Variants in OVGP1 observed in about 807,000 individuals in gnomAD.
OVGP1 encodes oviductal glycoprotein 1.
A neutral mutation model predicts 48.2 loss-of-function variants in OVGP1; 26 were observed. The ratio of observed to expected loss-of-function variants is 0.54; its 90% CI spans 0.40 to 0.75. The LOEUF is 0.75. OVGP1 is among the 30% of genes least tolerant of loss of function. The probability of loss-of-function intolerance (pLI) is 0.00; values close to 1 mark genes in which losing one functional copy is unlikely to be tolerated. For missense variants in OVGP1, 791 were observed against 820.6 expected (o/e 0.96, Z 0.44); for synonymous variants, 294 against 305.7 (o/e 0.96, Z 0.40).
intron 3 of OVGP1, 109 bp from the exon 4 acceptor site, chr1:111,425,548 T>G: frequency 6.4e-7 from 1 of 1,555,084 alleles, no homozygotes; most frequent in Non-Finnish European, 8.7e-7. Context: ...ACAGGAGAGA[T>G]GGGAGGTAAG....
In OVGP1 at chr1:111,421,602, C is replaced by T; in HGVS notation, c.680G>A (p.Ser227Asn). 6.2e-7 allele frequency: 1 copy of T among 1,613,088 alleles called. No individual in the cohort carries two copies. Among genetic ancestry groups the T allele is most frequent in the Non-Finnish European group, 8.5e-7 (1 of 1,179,078 alleles). ...GSWERFTGHN[S>N]PLFSLPEDPK... ...GTCTTCAGGCAGAGAGAAGAGGGGG[C>T]TATTATGTCCTGTGAACCTTTCCCA... is the stretch of plus-strand genomic sequence containing the variant. The change falls in exon 7 of 11, where the codon AGC (serine) becomes AAC (asparagine). Residue 227 changes from serine to asparagine, a missense_variant. By Grantham distance (46) the Ser-to-Asn change is conservative. Coordinates refer to ENST00000369732, the MANE Select transcript of OVGP1 (RefSeq NM_002557.4).
intron 10 of OVGP1, 83 bp downstream of exon 10, chr1:111,416,240 G>T: frequency 7.4e-7 from 1 of 1,360,184 alleles, no homozygotes; most frequent in South Asian, 2.0e-5. Context: ...GCCTCACCAA[G>T]GCATTTAGAT....
In OVGP1 at chr1:111,419,559, A is replaced by G. The variant is rs2101724623; in HGVS notation, c.1020+51T>C. The G allele has an allele frequency of 3.7e-6, 4 of 1,080,658 alleles. No individual in the cohort carries two copies. The Middle Eastern group carries it at 6.0e-4, about 163-fold the overall frequency. 66.9% of individuals were successfully genotyped at this position (1,080,658 alleles called of 1,614,324 possible). A position where few individuals can be genotyped will look rare whatever the true frequency, so the allele number is the denominator to read the frequency against. ...TGCATTGTACAAATAAGGACCCCAT[A>G]GAAACCGGTAGGAAACCATGTGCTG... On this transcript the variant is annotated intron_variant, in intron 9 of 10. Coordinates refer to ENST00000369732, the MANE Select transcript of OVGP1 (RefSeq NM_002557.4).
chr1:111,418,956 C>T (rs1026277042), intron 9 of OVGP1, among the ~76,000 whole-genome samples: 2 of 152,130 alleles, frequency 1.3e-5, no homozygotes, highest in Non-Finnish European at 2.9e-5. Flanking sequence ...TCATAAAATA[C>T]CACTTACATG....
Position 111,416,306 on chromosome 1 carries a change from A to C in OVGP1, c.1156+17T>G, listed in dbSNP as rs759414537. 2 of 1,551,556 alleles carry C rather than the reference A, an allele frequency of 1.3e-6. No homozygotes were observed. Among genetic ancestry groups the C allele is most frequent in the Non-Finnish European group, 1.8e-6 (2 of 1,140,980 alleles). On this transcript the variant is annotated intron_variant, in intron 10 of 10. Transcript: ENST00000369732. ...TATGCAACTTCCAACCCCAGCTTCTAGGTCACAGCTACTTACCAGCCCGCA... is the reference window on the plus strand; with the variant it reads ...TATGCAACTTCCAACCCCAGCTTCTCGGTCACAGCTACTTACCAGCCCGCA...
intron 4 of OVGP1, among the ~76,000 whole-genome samples, chr1:111,424,421 A>G (rs1413727454): frequency 6.6e-6 from 1 of 152,078 alleles, no homozygotes; most frequent in Non-Finnish European, 1.5e-5. Flanking sequence ...AATTAACCAG[A>G]CTCATAAATA....
intron 1 of OVGP1, 109 bp from the exon 2 acceptor site, chr1:111,427,200 T>G: frequency 6.4e-7 from 1 of 1,568,774 alleles, no homozygotes; most frequent in Non-Finnish European, 8.6e-7. Flanking sequence ...CACCACCTTA[T>G]GCAGATGCAG....
intron 4 of OVGP1, among the ~76,000 whole-genome samples, chr1:111,424,586 T>A (rs942435698): frequency 3.3e-5 from 5 of 152,208 alleles, no homozygotes; most frequent in Admixed American, 2.6e-4. Flanking sequence ...CTGCAAGTGT[T>A]CACGGGATAA....
chr1:111,425,048 A>C (rs548114541), intron 4 of OVGP1, among the ~76,000 whole-genome samples: 3 of 152,288 alleles, frequency 2.0e-5, no homozygotes, highest in African/African-American at 7.2e-5. Context: ...GAGGTTTGGG[A>C]GTTATTCTCA....
At chr1:111,421,008 C>T (rs890383020) in intron 8 of OVGP1, among the ~76,000 whole-genome samples, 7 of 152,062 alleles carry the variant, frequency 4.6e-5, no homozygotes, top group Non-Finnish European at 8.8e-5. Context: ...TCAGGGTTTA[C>T]CTGTATAGCA....
chr1:111,423,652 A>G lies in OVGP1; in HGVS notation c.374T>C (p.Ile125Thr), dbSNP rs200592736. The G allele has an allele frequency of 9.0e-5, 145 of 1,614,076 alleles. No individual in the cohort carries two copies. Among genetic ancestry groups the G allele is most frequent in the Non-Finnish European group, 1.1e-4 (130 of 1,179,998 alleles). Reference sequence around the variant, plus strand: ...AAAGTCATGTGTCCTCAGAAGGGATATAACTGAAGCAATAAACTTTTCACG... The same window carrying G: ...AAAGTCATGTGTCCTCAGAAGGGATGTAACTGAAGCAATAAACTTTTCACG... ...ANREKFIASV[I>T]SLLRTHDFDG... The change falls in exon 5 of 11, where the codon ATA (isoleucine) becomes ACA (threonine). Residue 125 changes from isoleucine to threonine, a missense_variant. Coordinates refer to ENST00000369732, the MANE Select transcript of OVGP1 (RefSeq NM_002557.4).
intron 6 of OVGP1, among the ~76,000 whole-genome samples, chr1:111,422,026 C>T (rs1652283020): frequency 1.3e-5 from 2 of 152,296 alleles, no homozygotes; most frequent in African/African-American, 4.8e-5. Context: ...ATTCCAGGAG[C>T]CATTGAAACC....
Position 111,414,826 on chromosome 1 carries a change from G to A in OVGP1, c.1675C>T (p.Gln559Ter). 1.3e-6 allele frequency: 2 copies of A among 1,595,206 alleles called. No individual in the cohort carries two copies. Among genetic ancestry groups the A allele is most frequent in the Non-Finnish European group, 1.7e-6 (2 of 1,167,908 alleles). ...PVHFQTETLRQNTVAPRRKAV... is the reference protein window; with the variant it reads ...PVHFQTETLR The stretch of plus-strand genomic sequence containing the variant: ...TTCCTTCTAGGGGCCACTGTATTCT[G>A]TCTAAGGGTCTCAGTCTGAAAATGG... The change falls in exon 11 of 11, where the codon CAG becomes TAG. Residue 559 changes from glutamine (Q) to a stop codon, truncating the protein, a stop_gained. Coordinates refer to ENST00000369732, the MANE Select transcript of OVGP1 (RefSeq NM_002557.4). LOFTEE classifies it low-confidence loss of function (END_TRUNC).
chr1:111,419,775 G>A (rs1253996431), intron 8 of OVGP1, 49 bp from the exon 9 acceptor site: 1 of 1,072,740 alleles, frequency 9.3e-7, no homozygotes, highest in Non-Finnish European at 1.4e-6. Context: ...ATGGAGATAA[G>A]CACCAAGAGA....
At position 111,417,666 on chromosome 1, in the gene OVGP1, C is replaced by A. The variant is rs182581839; in HGVS notation, c.1021-1208G>T. Among the ~76,000 whole-genome samples the A allele has an allele frequency of 5.9e-5, 9 of 152,196 alleles. No individual in the cohort carries two copies. The East Asian group carries it at 1.7e-3, about 29-fold the overall frequency. ...GCACACACACACACATACTCACATA[C>A]CCCAACACCCCAGACCTCTGGATCA... On this transcript the variant is annotated intron_variant, in intron 9 of 10. Coordinates refer to ENST00000369732, the MANE Select transcript of OVGP1 (RefSeq NM_002557.4).
intron 9 of OVGP1, among the ~76,000 whole-genome samples, chr1:111,418,875 G>A (rs1652194790): frequency 6.6e-6 from 1 of 152,068 alleles, no homozygotes. Context: ...CCAAAACAGA[G>A]GCAGGTTTAG....
chr1:111,426,923 T>A (rs1217511428), intron 2 of OVGP1, 139 bp downstream of exon 2: 10 of 1,555,918 alleles, frequency 6.4e-6, no homozygotes, highest in Non-Finnish European at 8.7e-6. Context: ...TGACCAAAAA[T>A]CCTCTGAGAA....
chr1:111,424,865 T>C (rs1293756107), intron 4 of OVGP1, among the ~76,000 whole-genome samples: 1 of 152,244 alleles, frequency 6.6e-6, no homozygotes, highest in Non-Finnish European at 1.5e-5. Flanking sequence ...TGAAGGCAGT[T>C]TGTAATCTCC....
chr1:111,415,409 G>T (rs1652109566), intron 10 of OVGP1, 65 bp from the exon 11 acceptor site: 1 of 1,461,696 alleles, frequency 6.8e-7, no homozygotes, highest in Non-Finnish European at 9.3e-7. Context: ...TTAATTACTG[G>T]CAGAACTAGA....
Sources: gnomAD v4.1 joint callset for allele counts (sites outside exome capture counted in the v4.1 genomes callset) on GRCh38, gnomAD v4.1.1 for gene constraint, MANE v1.5 for transcripts, NCBI Gene and HGNC (gene_info 2026-07-23, HGNC 2026-07-21) for gene names.